Variants in BMS1 observed in about 807,000 individuals in gnomAD.
BMS1 encodes ribosome biogenesis protein BMS1 homolog.
A neutral mutation model predicts 138.7 loss-of-function variants in BMS1; 53 were observed. The observed-to-expected ratio is 0.38, with a 90% CI of 0.31 to 0.48. The LOEUF (loss-of-function observed/expected upper bound fraction) is 0.48. Ranked by LOEUF, BMS1 falls within the 20% of genes least tolerant of loss-of-function variation. The probability of loss-of-function intolerance (pLI) is 0.97; values close to 1 mark genes in which losing one functional copy is unlikely to be tolerated. For synonymous variants in BMS1, 504 were observed against 539.9 expected (o/e 0.93, Z 0.92); for missense variants, 1,360 against 1,565.5 (o/e 0.87, Z 2.22).
Position 42,833,259 on chromosome 10 carries a change from A to G in BMS1, c.*2163A>G, listed in dbSNP as rs1842829006. 6.6e-6 allele frequency: 1 copy of G among 152,140 alleles called. No homozygotes were observed. Among genetic ancestry groups the G allele is most frequent in the Non-Finnish European group, 1.5e-5 (1 of 67,994 alleles). 9.4% of individuals were successfully genotyped at this position (152,140 alleles called of 1,614,324 possible). A position where few individuals can be genotyped will look rare whatever the true frequency, so the allele number is the denominator to read the frequency against. ...AAGTTTGCATATTAAGATTATTTAAACTAAAGTTAAGGAATCTCTAATGTC... is the reference window on the plus strand; with the variant it reads ...AAGTTTGCATATTAAGATTATTTAAGCTAAAGTTAAGGAATCTCTAATGTC... On this transcript the variant is annotated 3_prime_UTR_variant, in exon 23 of 23. Coordinates refer to ENST00000374518, the MANE Select transcript of BMS1 (RefSeq NM_014753.4).
At chr10:42,783,211 C>T (rs7908539) in intron 1 of BMS1, among the ~76,000 whole-genome samples, 15,242 of 152,134 alleles carry the variant, frequency 0.1, 915 homozygotes, top group African/African-American at 0.14. Context: ...GAAACATAAT[C>T]TCTGAAATCA....
chr10:42,804,762 G>A (rs1271844212), intron 13 of BMS1, among the ~76,000 whole-genome samples: 1 of 150,032 alleles, frequency 6.7e-6, no homozygotes, highest in Non-Finnish European at 1.5e-5. Context: ...GTCTTGCTCT[G>A]TCTCCCAGAG....
At chr10:42,785,237 G>A (rs553227439) in intron 2 of BMS1, among the ~76,000 whole-genome samples, 1 of 152,130 alleles carries the variant, frequency 6.6e-6, no homozygotes, top group Non-Finnish European at 1.5e-5. Context: ...GCTCTCTATA[G>A]TATTGAAGTC....
At position 42,793,046 on chromosome 10, in the gene BMS1, AAGG is replaced by A; in HGVS notation, c.994_996del (p.Glu332del). 4 of 1,613,612 alleles carry A rather than the reference AAGG, an allele frequency of 2.5e-6. No homozygotes were observed. The highest frequency in any genetic ancestry group is 3.4e-6 in the Non-Finnish European group (4 of 1,179,926). On this transcript the variant is annotated inframe_deletion, in exon 8 of 23. Transcript: ENST00000374518. ...ACAAAAGAAGCGCTGTTTAAATGAG[AAGG>A]AGAAGCTGGTTTATGCGCCTCTTTC...
At chr10:42,819,021 A>G (rs369204933) in intron 15 of BMS1, among the ~76,000 whole-genome samples, 3 of 152,168 alleles carry the variant, frequency 2.0e-5, no homozygotes, top group East Asian at 3.8e-4. Flanking sequence ...GCAAGCACCA[A>G]TTTTCATGGA....
In BMS1 at chr10:42,796,751, GACA is replaced by G; in HGVS notation, c.1508_1510del (p.Asp503_Ser504delinsGly). ...TGAAATGGATTTGCCAGCATTTGCT[GACA>G]GTGACGATGACCTTGAGAGGAGCTC... On this transcript the variant is annotated inframe_deletion, in exon 10 of 23. Transcript: ENST00000374518. The G allele has an allele frequency of 6.2e-7, 1 of 1,614,224 alleles. No individual in the cohort carries two copies. Among genetic ancestry groups the G allele is most frequent in the Non-Finnish European group, 8.5e-7 (1 of 1,180,042 alleles).
In BMS1 at chr10:42,820,583, A is replaced by G; in HGVS notation, c.2845A>G (p.Arg949Gly). The stretch of plus-strand genomic sequence containing the variant: ...TCCAATCATATTTTCTGTAGGGTGG[A>G]GGAGGTTTCAGACCATCCCACTGTA... Reference protein sequence around the residue: ...RDPIIFSVGWRRFQTIPLYYI... With the variant: ...RDPIIFSVGWGRFQTIPLYYI... Residue 949 changes from arginine (R) to glycine (G), a missense_variant, in exon 17 of 23, where the codon AGG becomes GGG. Around this residue, in one of 3 missense-constraint regions of BMS1, gnomAD observed 425 missense variants for 568.3 expected, o/e 0.75. Transcript: ENST00000374518. 1.2e-6 allele frequency: 2 copies of G among 1,611,562 alleles called. No individual in the cohort carries two copies. The highest frequency in any genetic ancestry group is 2.2e-5 in the South Asian group (2 of 90,894).
rs199877038 is a variant in BMS1, at chr10:42,785,705, G to A, written c.367+33G>A. ...ATGCCACCACAGACACAGAGTTGGC[G>A]TGGCTGTTGTCATCTGAGGGACATG... On this transcript the variant is annotated intron_variant, in intron 3 of 22. Transcript: ENST00000374518. The A allele has an allele frequency of 1.1e-4, 176 of 1,600,892 alleles. No homozygotes were observed. The African/African-American group carries it at 1.5e-3, about 14-fold the overall frequency.
chr10:42,792,707 G>T, intron 7 of BMS1, 93 bp downstream of exon 7: 1 of 1,527,472 alleles, frequency 6.5e-7, no homozygotes, highest in Non-Finnish European at 8.7e-7. Flanking sequence ...CCAAACAAGG[G>T]AAGATGGCCT....
chr10:42,784,600 C>G lies in BMS1; in HGVS notation c.176+30C>G, dbSNP rs749369079. 41 of 1,451,492 alleles carry G rather than the reference C, an allele frequency of 2.8e-5. No homozygotes were observed. The South Asian group carries it at 4.6e-4, about 16-fold the overall frequency. The allele number at this position is 1,451,492 out of a possible 1,614,324, so 89.9% of individuals were successfully genotyped here. ...GTTAGGCTACGGTCTGGTCATTCTT[C>G]CATTGATTCTTTTTTTAAATAGTAG... On this transcript the variant is annotated intron_variant, in intron 2 of 22. Transcript: ENST00000374518.
At position 42,790,467 on chromosome 10, in the gene BMS1, A is replaced by G. The variant is rs1445687392; in HGVS notation, c.592A>G (p.Thr198Ala). Residue 198 changes from threonine (T) to alanine (A), a missense_variant, in exon 5 of 23, where the codon ACA becomes GCA. Physicochemically the swap from Thr to Ala is moderately conservative, Grantham distance 58. This residue lies in a region of BMS1 where 238 missense variants were observed against 311.1 expected (regional missense o/e 0.77). Coordinates refer to ENST00000374518, the MANE Select transcript of BMS1 (RefSeq NM_014753.4). ...CAAGCATAATAAGCAACTGAAGAAG[A>G]CAAAGAAGCGATTAAAACACAGGTT... is the stretch of plus-strand genomic sequence containing the variant. ...SFKHNKQLKKTKKRLKHRFWT... is the reference protein window; with the variant it reads ...SFKHNKQLKKAKKRLKHRFWT... 6.2e-6 allele frequency: 10 copies of G among 1,614,008 alleles called. No individual in the cohort carries two copies. The Admixed American group carries it at 1.7e-4, about 27-fold the overall frequency.
chr10:42,813,584 TTC>T (rs1188789586), intron 13 of BMS1, among the ~76,000 whole-genome samples: 1 of 152,186 alleles, frequency 6.6e-6, no homozygotes, highest in Non-Finnish European at 1.5e-5. Flanking sequence ...TAGTTTTTGT[TTC>T]AGTTGTCAAG....
At position 42,820,697 on chromosome 10, in the gene BMS1, T is replaced by C. The variant is rs1377398956; in HGVS notation, c.2950+9T>C. The C allele has an allele frequency of 1.9e-6, 3 of 1,610,038 alleles. No individual in the cohort carries two copies. Among genetic ancestry groups the C allele is most frequent in the African/African-American group, 1.3e-5 (1 of 74,802 alleles). ...CGGAGCAGCCTTTTGGGGTAAAATA[T>C]GATTACAATAACTTGCCTGTTGCCA... On this transcript the variant is annotated intron_variant, in intron 17 of 22. Transcript: ENST00000374518.
At position 42,831,090 on chromosome 10, in the gene BMS1, G is replaced by T. The variant is rs868520030; in HGVS notation, c.3843G>T (p.Leu1281Phe). The T allele has an allele frequency of 6.4e-7, 1 of 1,561,774 alleles. No individual in the cohort carries two copies. The highest frequency in any genetic ancestry group is 2.4e-5 in the East Asian group (1 of 42,272). Residue 1281 changes from leucine (L) to phenylalanine (F), a missense_variant, in exon 23 of 23, where the codon TTG becomes TTT. Leu to Phe is a conservative substitution (Grantham distance 22). This residue lies in a region of BMS1 where 425 missense variants were observed against 568.3 expected (regional missense o/e 0.75). Transcript: ENST00000374518. Reference protein sequence around the residue: ...KSSLKGAEGQLQ With the variant: ...KSSLKGAEGQFQ ...GTTTGAAGGGGGCTGAGGGCCAATT[G>T]CAGTGAGCCTTTGGACTGGAGGGAC...
intron 1 of BMS1, among the ~76,000 whole-genome samples, chr10:42,783,952 G>A (rs1269274581): frequency 6.6e-6 from 1 of 152,136 alleles, no homozygotes; most frequent in African/African-American, 2.4e-5. Flanking sequence ...CAGTATGGTA[G>A]CCACATGTGA....
chr10:42,831,291 C>G lies in BMS1; in HGVS notation c.*195C>G, dbSNP rs898477334. 2 of 594,646 alleles carry G rather than the reference C, an allele frequency of 3.4e-6. No homozygotes were observed. The highest frequency in any genetic ancestry group is 3.1e-5 in the Admixed American group (1 of 32,354). 36.8% of individuals were successfully genotyped at this position (594,646 alleles called of 1,614,324 possible). The stretch of plus-strand genomic sequence containing the variant: ...GTTCATTCTCATGACTTGGGGCTGT[C>G]GAGATTTAAAGTGATGTAAGCTGTG... On this transcript the variant is annotated 3_prime_UTR_variant, in exon 23 of 23. Coordinates refer to ENST00000374518, the MANE Select transcript of BMS1 (RefSeq NM_014753.4).
At chr10:42,783,256 C>G (rs1266672666) in intron 1 of BMS1, among the ~76,000 whole-genome samples, 1 of 152,140 alleles carries the variant, frequency 6.6e-6, no homozygotes, top group African/African-American at 2.4e-5. Context: ...TCCTAGCGCC[C>G]AGCTCTCCTA....
At chr10:42,789,417 GTTATTT>G in intron 4 of BMS1, among the ~76,000 whole-genome samples, 1 of 151,172 alleles carries the variant, frequency 6.6e-6, no homozygotes, top group South Asian at 2.1e-4. Context: ...CATTTTTTTT[GTTATTT>G]TTAGTTATCT....
intron 1 of BMS1, among the ~76,000 whole-genome samples, chr10:42,783,133 T>C (rs1841208614): frequency 6.6e-6 from 1 of 151,944 alleles, no homozygotes; most frequent in Admixed American, 6.5e-5. Context: ...AATTGTGCTT[T>C]TCCCACCAAG....
Sources: gnomAD v4.1 joint callset for allele counts (sites outside exome capture counted in the v4.1 genomes callset) on GRCh38, gnomAD v4.1.1 for gene constraint, gnomAD v4.1.1 regional missense constraint, MANE v1.5 for transcripts, NCBI Gene and HGNC (gene_info 2026-07-23, HGNC 2026-07-21) for gene names.